The following ATAD2B variants were observed in gnomAD, a reference collection of about 807,000 sequenced individuals.
The protein encoded by ATAD2B is ATPase family AAA domain containing 2B.
A neutral mutation model predicts 167.6 loss-of-function variants in ATAD2B; 40 were observed. That is an observed-to-expected ratio of 0.24 (90% CI 0.19 to 0.31). ATAD2B has a LOEUF of 0.31. Among genes scored for constraint, ATAD2B ranks in the 10% least tolerant of loss-of-function variants. The probability of loss-of-function intolerance (pLI) is 1.00; values close to 1 mark genes in which losing one functional copy is unlikely to be tolerated. For synonymous variants in ATAD2B, 579 were observed against 596.5 expected (o/e 0.97, Z 0.43); for missense variants, 1,242 against 1,757.2 (o/e 0.71, Z 5.24).
chr2:23,751,623 A>AG lies in ATAD2B; in HGVS notation c.*422dup, dbSNP rs1298312851. 1 of 165,070 alleles carries AG rather than the reference A, an allele frequency of 6.1e-6. No individual in the cohort carries two copies. Among genetic ancestry groups the AG allele is most frequent in the African/African-American group, 2.4e-5 (1 of 41,580 alleles). The allele number at this position is 165,070 out of a possible 1,614,324, so 10.2% of individuals were successfully genotyped here. ...AAATATGATTAAAGGGGTAAAATGG[A>AG]GGAAAAAAAAATAACAAGTTGCCCA... On this transcript the variant is annotated 3_prime_UTR_variant, in exon 28 of 28. Transcript: ENST00000238789.
the ATAD2B span, among the ~76,000 whole-genome samples, chr2:23,734,449 C>T: frequency 5.9e-4 from 90 of 152,214 alleles, 1 homozygote; most frequent in Non-Finnish European, 1.5e-4. Flanking sequence ...TGTGAGCCAT[C>T]GTACCCAGTC....
the ATAD2B span, among the ~76,000 whole-genome samples, chr2:23,684,984 T>A: frequency 2.0e-5 from 3 of 152,122 alleles, no homozygotes; most frequent in Admixed American, 6.5e-5. The surrounding 1 kb of genome is among the most constrained non-coding windows in gnomAD (Gnocchi z 4.4). Context: ...GGAAAGCGCA[T>A]CGGCCAGGCT....
intron 7 of ATAD2B, among the ~76,000 whole-genome samples, chr2:23,880,306 A>AT (rs1697680144): frequency 6.6e-6 from 1 of 152,188 alleles, no homozygotes; most frequent in East Asian, 1.9e-4. Context: ...CATAAAACCT[A>AT]TAAGAGATTG....
chr2:23,772,853 C>T (rs1219990740), intron 22 of ATAD2B, among the ~76,000 whole-genome samples: 1 of 152,092 alleles, frequency 6.6e-6, no homozygotes, highest in Non-Finnish European at 1.5e-5. Flanking sequence ...TGCCTCAGTG[C>T]CCCGAGCAGC....
At chr2:23,830,034 G>T (rs1572942607) in intron 14 of ATAD2B, among the ~76,000 whole-genome samples, 1 of 152,118 alleles carries the variant, frequency 6.6e-6, no homozygotes, top group East Asian at 1.9e-4. Context: ...ACCCAGGCTG[G>T]AGTACAGTGG....
intron 23 of ATAD2B, among the ~76,000 whole-genome samples, chr2:23,762,727 C>A (rs1053601010): frequency 6.6e-6 from 1 of 152,186 alleles, no homozygotes; most frequent in African/African-American, 2.4e-5. Flanking sequence ...AAACCCCATT[C>A]CCGTGAACTG....
the ATAD2B span, chr2:23,691,430 C>T: frequency 3.5e-6 from 2 of 570,512 alleles, no homozygotes; most frequent in Non-Finnish European, 6.3e-6. Context: ...TGATTTGCAT[C>T]TTTTTTTGCA....
At chr2:23,688,588 C>T in the ATAD2B span, among the ~76,000 whole-genome samples, 2 of 152,126 alleles carry the variant, frequency 1.3e-5, no homozygotes, top group Non-Finnish European at 2.9e-5. Flanking sequence ...ACTCTGGCCT[C>T]TCCTGGGCAC....
chr2:23,706,819 A>G, the ATAD2B span: 6 of 567,714 alleles, frequency 1.1e-5, no homozygotes, highest in African/African-American at 7.7e-5. Context: ...CATTGAATGT[A>G]GAAAATCATC....
At chr2:23,914,293 T>C (rs540372978) in intron 1 of ATAD2B, among the ~76,000 whole-genome samples, 1 of 152,094 alleles carries the variant, frequency 6.6e-6, no homozygotes, top group African/African-American at 2.4e-5. Context: ...AGTCACAATG[T>C]AAACAGTATC....
intron 13 of ATAD2B, among the ~76,000 whole-genome samples, chr2:23,838,539 G>A (rs1690361120): frequency 6.6e-6 from 1 of 151,934 alleles, no homozygotes; most frequent in Non-Finnish European, 1.5e-5. Flanking sequence ...CAAACTATTT[G>A]ACACAATATT....
chr2:23,742,244 C>G, the ATAD2B span, among the ~76,000 whole-genome samples: 5 of 152,086 alleles, frequency 3.3e-5, no homozygotes, highest in Non-Finnish European at 7.4e-5. Context: ...GCTATAAAGA[C>G]ACATGCACAT....
chr2:23,688,240 G>A, the ATAD2B span, among the ~76,000 whole-genome samples: 70 of 152,352 alleles, frequency 4.6e-4, no homozygotes, highest in African/African-American at 1.7e-3. Context: ...GCATGCCCAT[G>A]CGTGTGTCCT....
chr2:23,874,844 C>G (rs2150139628), intron 8 of ATAD2B, among the ~76,000 whole-genome samples: 1 of 152,090 alleles, frequency 6.6e-6, no homozygotes, highest in South Asian at 2.1e-4. Flanking sequence ...ATCAGGAGGT[C>G]AGGAGATCGA....
At chr2:23,706,742 C>CACCAACAAGAGGCCAACAAAACACAATCA in the ATAD2B span, 1 of 1,093,830 alleles carries the variant, frequency 9.1e-7, no homozygotes, top group Non-Finnish European at 1.2e-6. Context: ...TTTCCAGCGA[C>CACCAACAAGAGGCCAACAAAACACAATCA]ACCAACAAGA....
rs770800230 is a variant in ATAD2B at position 23,757,792 on chromosome 2, T to C, written c.3704A>G (p.Glu1235Gly). ...AGTKENFAST[E>G]EESSNESLLV... The stretch of plus-strand genomic sequence containing the variant: ...TAGAGATTCATTTGAACTTTCCTCC[T>C]CAGTAGATGCAAAGTTCTCTTTTGT... The change falls in exon 25 of 28, where the codon GAG becomes GGG. Residue 1235 changes from glutamate (E) to glycine (G), a missense_variant. This residue lies in a region of ATAD2B where 282 missense variants were observed against 346.8 expected (regional missense o/e 0.81). Coordinates refer to ENST00000238789, the MANE Select transcript of ATAD2B (RefSeq NM_017552.4). The C allele has an allele frequency of 2.5e-6, 4 of 1,574,880 alleles. No homozygotes were observed. The highest frequency in any genetic ancestry group is 1.9e-5 in the Admixed American group (1 of 51,582).
intron 13 of ATAD2B, among the ~76,000 whole-genome samples, chr2:23,839,831 T>C (rs889702371): frequency 1.3e-5 from 2 of 152,268 alleles, no homozygotes; most frequent in African/African-American, 4.8e-5. Flanking sequence ...TAAGTTAACA[T>C]ATCCATTATG....
intron 1 of ATAD2B, among the ~76,000 whole-genome samples, chr2:23,909,273 G>A (rs1055815132): frequency 4.6e-5 from 7 of 152,064 alleles, no homozygotes; most frequent in South Asian, 2.1e-4. Flanking sequence ...CCCAAAGCAT[G>A]GTGGCACATG....
At position 23,751,765 on chromosome 2, in the gene ATAD2B, C is replaced by A. The variant is rs189695780; in HGVS notation, c.*281G>T. 199 of 431,648 alleles carry A rather than the reference C, an allele frequency of 4.6e-4. No individual in the cohort carries two copies. Among genetic ancestry groups the A allele is most frequent in the Admixed American group, 8.6e-4 (20 of 23,292 alleles). The allele number at this position is 431,648 out of a possible 1,614,324, so 26.7% of individuals were successfully genotyped here. A position where few individuals can be genotyped will look rare whatever the true frequency, so the allele number is the denominator to read the frequency against. The stretch of plus-strand genomic sequence containing the variant: ...GAGTGCACAAAAAGAGGAGCAGAAG[C>A]GAGAGCAGTTTCTGTAGCACCAAAA... On this transcript the variant is annotated 3_prime_UTR_variant, in exon 28 of 28. Transcript: ENST00000238789.
Sources: gnomAD v4.1 joint callset for allele counts (sites outside exome capture counted in the v4.1 genomes callset) on GRCh38, gnomAD v4.1.1 for gene constraint, gnomAD v4.1.1 regional missense constraint, Gnocchi (gnomAD v3.1) non-coding constraint, MANE v1.5 for transcripts, NCBI Gene and HGNC (gene_info 2026-07-23, HGNC 2026-07-21) for gene names.